TDRD9: variants seen among roughly 807,000 people sequenced by gnomAD.
TDRD9 encodes tudor domain containing 9.
Under a neutral mutation model 172.6 loss-of-function variants are expected in TDRD9, and 124 were observed. The observed-to-expected ratio is 0.72, with a 90% CI of 0.62 to 0.83. The LOEUF (loss-of-function observed/expected upper bound fraction) is 0.83. TDRD9 is among the 40% of genes least tolerant of loss of function. The pLI is 0.00. For synonymous variants in TDRD9, 619 were observed against 617.1 expected, an observed-to-expected ratio of 1.00 and a Z score of -0.05; for missense variants, 1,479 against 1,714.1, an observed-to-expected ratio of 0.86 and a Z score of 2.42.
At chr14:103,986,420 A>G (rs1036762928) in intron 8 of TDRD9, 100 bp downstream of exon 8, 2 of 853,420 alleles carry the variant, frequency 2.3e-6, no homozygotes, top group African/African-American at 1.7e-5. Context: ...AGGTATAACT[A>G]TAGGTACTTT....
At chr14:103,972,839 C>T (rs1041889625) in intron 6 of TDRD9, among the ~76,000 whole-genome samples, 4 of 152,200 alleles carry the variant, frequency 2.6e-5, no homozygotes, top group Non-Finnish European at 5.9e-5. Flanking sequence ...CACTTGCAAT[C>T]AGTTGTCTTA....
At chr14:104,001,732 C>T (rs991818429) in intron 13 of TDRD9, among the ~76,000 whole-genome samples, 2 of 152,100 alleles carry the variant, frequency 1.3e-5, no homozygotes, top group Non-Finnish European at 2.9e-5. Flanking sequence ...CCTCAGCCTC[C>T]CGAGTAGCTG....
rs555897463 is a variant in TDRD9, at chr14:104,026,231, A to G, written c.3021+95A>G. 1.6e-4 allele frequency: 133 copies of G among 848,890 alleles called. No homozygotes were observed. In the African/African-American group the frequency reaches 2.2e-3, roughly 14 times the overall value. The allele number at this position is 848,890 out of a possible 1,614,324, so 52.6% of individuals were successfully genotyped here. The stretch of plus-strand genomic sequence containing the variant: ...CATATGGTGCCCTGCCTCGGCTTAC[A>G]GCTAGGGGAGCCAAGGCCCAGGACA... On this transcript the variant is annotated intron_variant, in intron 27 of 35. Transcript: ENST00000409874.
intron 5 of TDRD9, among the ~76,000 whole-genome samples, chr14:103,968,794 T>A (rs2032876788): frequency 4.6e-4 from 1 of 2,174 alleles, no homozygotes; most frequent in African/African-American, 8.8e-4. Context: ...AGACTCTGTC[T>A]CAAAAAAAAA....
chr14:104,022,156 G>A lies in TDRD9; in HGVS notation c.2433-1G>A. On this transcript the variant is annotated splice_acceptor_variant, in intron 23 of 35. Coordinates refer to ENST00000409874, the MANE Select transcript of TDRD9 (RefSeq NM_153046.3). LOFTEE classifies it high-confidence loss of function. ...TTTTTAAATTTACATTTGTGGAACAGAGCCTTTGTGGAATTCTCACGAAAT... is the reference window on the plus strand; with the variant it reads ...TTTTTAAATTTACATTTGTGGAACAAAGCCTTTGTGGAATTCTCACGAAAT... 1 of 1,551,560 alleles carries A rather than the reference G, an allele frequency of 6.4e-7. No individual in the cohort carries two copies. Among genetic ancestry groups the A allele is most frequent in the East Asian group, 2.4e-5 (1 of 40,940 alleles).
At chr14:104,036,244 A>G (rs923944008) in intron 32 of TDRD9, among the ~76,000 whole-genome samples, 1 of 152,226 alleles carries the variant, frequency 6.6e-6, no homozygotes, top group African/African-American at 2.4e-5. Context: ...CTGAATGGGC[A>G]TATGATGGCT....
Position 103,980,848 on chromosome 14 carries a change from A to T in TDRD9, c.1011+5295A>T, listed in dbSNP as rs183211355. On this transcript the variant is annotated intron_variant, in intron 7 of 35. Transcript: ENST00000409874. The surrounding 1 kb of genome is among the most constrained non-coding windows in gnomAD (Gnocchi z 4.5). ...CCTCTGGTGGCCCTGTCCGGGCATA[A>T]CAGAAGGCTCGCACTCTTGTCTTCT... Among the ~76,000 whole-genome samples, 27 of 152,266 alleles carry T rather than the reference A, an allele frequency of 1.8e-4. No individual in the cohort carries two copies. Among genetic ancestry groups the T allele is most frequent in the African/African-American group, 6.5e-4 (27 of 41,560 alleles).
At chr14:103,992,800 C>G (rs1240229498) in intron 9 of TDRD9, among the ~76,000 whole-genome samples, 6 of 151,608 alleles carry the variant, frequency 4.0e-5, no homozygotes, top group Non-Finnish European at 5.9e-5. Flanking sequence ...TGGCGGGCAC[C>G]TGTGGTCCCA....
chr14:103,964,313 A>G (rs2032639549), intron 3 of TDRD9, among the ~76,000 whole-genome samples: 1 of 152,204 alleles, frequency 6.6e-6, no homozygotes, highest in African/African-American at 2.4e-5. Context: ...TTTTAAAACC[A>G]CTTGAATGTA....
At chr14:103,999,743 C>G (rs2034196659) in intron 13 of TDRD9, among the ~76,000 whole-genome samples, 1 of 112,430 alleles carries the variant, frequency 8.9e-6, no homozygotes, top group Admixed American at 8.5e-5. Flanking sequence ...GAATATTTAC[C>G]ATATGCCAGA....
At chr14:104,018,006 A>T in intron 22 of TDRD9, 86 bp from the exon 23 acceptor site, 1 of 754,852 alleles carries the variant, frequency 1.3e-6, no homozygotes, top group Non-Finnish European at 2.2e-6. Flanking sequence ...AAACTAAAAC[A>T]GTGTGCAGCA....
intron 2 of TDRD9, among the ~76,000 whole-genome samples, chr14:103,961,151 AAC>A (rs1316343895): frequency 6.6e-6 from 1 of 152,176 alleles, no homozygotes; most frequent in Non-Finnish European, 1.5e-5. Context: ...TAGGTATATT[AAC>A]TGGGAAAACA....
chr14:104,024,539 T>A, intron 24 of TDRD9, 30 bp from the exon 25 acceptor site: 1 of 1,353,946 alleles, frequency 7.4e-7, no homozygotes, highest in South Asian at 1.3e-5. Flanking sequence ...AAACTTGATT[T>A]TTATTTTAAT....
rs747910513 is a variant in TDRD9 at position 103,963,138 on chromosome 14, A to G, written c.382A>G (p.Lys128Glu). The change falls in exon 3 of 36, where the codon AAA becomes GAA. Residue 128 changes from lysine (K) to glutamate (E), a missense_variant. Lys to Glu is a moderately conservative substitution (Grantham distance 56). Transcript: ENST00000409874. ...GACATGCATCCCAGGGACAACTTAT[A>G]AATATCCTGATTTGCCTATAAGTCG... ...SVTCIPGTTY[K>E]YPDLPISRYK... 5.8e-6 allele frequency: 9 copies of G among 1,549,580 alleles called. No individual in the cohort carries two copies. Among genetic ancestry groups the G allele is most frequent in the Non-Finnish European group, 7.0e-6 (8 of 1,145,900 alleles).
At position 104,008,467 on chromosome 14, in the gene TDRD9, GTAAGT is replaced by G. The variant is rs2034514535; in HGVS notation, c.2106+8_2106+12del. ...CATTCAAATCAAGAGAATTAGAGAG[GTAAGT>G]TAAGTTTTTTGACCAAATGGATGCA... On this transcript the variant is annotated splice_donor_variant and splice_donor_5th_base_variant and intron_variant, in intron 20 of 35. Coordinates refer to ENST00000409874, the MANE Select transcript of TDRD9 (RefSeq NM_153046.3). LOFTEE classifies it high-confidence loss of function. 2 of 1,557,288 alleles carry G rather than the reference GTAAGT, an allele frequency of 1.3e-6. No homozygotes were observed. The highest frequency in any genetic ancestry group is 1.1e-5 in the South Asian group (1 of 87,798).
At position 103,998,620 on chromosome 14, in the gene TDRD9, G is replaced by A. The variant is rs2034142191; in HGVS notation, c.1379-4G>A. The A allele has an allele frequency of 6.6e-7, 1 of 1,514,126 alleles. No homozygotes were observed. Among genetic ancestry groups the A allele is most frequent in the East Asian group, 2.3e-5 (1 of 44,392 alleles). 93.8% of individuals were successfully genotyped at this position (1,514,126 alleles called of 1,614,324 possible). A position where few individuals can be genotyped will look rare whatever the true frequency, so the allele number is the denominator to read the frequency against. ...TGTTTACAGTCCTTTTTTTTAAATG[G>A]CAGTTATAGATTTTTGTTTGACTAG... is the stretch of plus-strand genomic sequence containing the variant. On this transcript the variant is annotated splice_region_variant and splice_polypyrimidine_tract_variant and intron_variant, in intron 12 of 35. Coordinates refer to ENST00000409874, the MANE Select transcript of TDRD9 (RefSeq NM_153046.3).
intron 10 of TDRD9, 36 bp downstream of exon 10, chr14:103,994,422 C>T: frequency 6.2e-7 from 1 of 1,605,716 alleles, no homozygotes; most frequent in South Asian, 1.1e-5. Context: ...TTCTTCTAAG[C>T]CATTGCATTG....
intron 31 of TDRD9, 121 bp downstream of exon 31, chr14:104,034,190 TTTC>T (rs1345526743): frequency 0.11 from 22,077 of 193,736 alleles, 104 homozygotes; most frequent in South Asian, 0.22. Flanking sequence ...ATTCTTTTTT[TTTC>T]TTTTTTTTTT....
intron 20 of TDRD9, among the ~76,000 whole-genome samples, 154 bp from the exon 21 acceptor site, chr14:104,014,571 G>T (rs899682475): frequency 6.6e-6 from 1 of 152,086 alleles, no homozygotes; most frequent in Non-Finnish European, 1.5e-5. Context: ...GTGAGTCACC[G>T]TGCACAGCCA....
Sources: gnomAD v4.1 joint callset for allele counts (sites outside exome capture counted in the v4.1 genomes callset) on GRCh38, gnomAD v4.1.1 for gene constraint, Gnocchi (gnomAD v3.1) non-coding constraint, MANE v1.5 for transcripts, NCBI Gene and HGNC (gene_info 2026-07-23, HGNC 2026-07-21) for gene names.